The following MAGI1 variants were observed in gnomAD, a reference collection of about 807,000 sequenced individuals.
MAGI1 encodes membrane-associated guanylate kinase, WW and PDZ domain-containing protein 1.
Under a neutral mutation model 139.9 loss-of-function variants are expected in MAGI1, and 58 were observed. The ratio of observed to expected loss-of-function variants is 0.41; its 90% confidence interval spans 0.34 to 0.52. MAGI1 has a LOEUF of 0.52. Ranked by LOEUF, MAGI1 falls within the 20% of genes least tolerant of loss-of-function variation. The pLI is 0.12. For synonymous variants in MAGI1, 812 were observed against 737.9 expected, an observed-to-expected ratio of 1.10 and a Z score of -1.63; for missense variants, 1,874 against 1,901.6, an observed-to-expected ratio of 0.99 and a Z score of 0.27.
At chr3:65,785,745 T>C (rs1342363969) in intron 1 of MAGI1, among the ~76,000 whole-genome samples, 1 of 152,166 alleles carries the variant, frequency 6.6e-6, no homozygotes, top group Non-Finnish European at 1.5e-5. Flanking sequence ...ATTTCTTAAA[T>C]TTCAGAAAAA....
intron 1 of MAGI1, among the ~76,000 whole-genome samples, chr3:65,909,590 G>A (rs2061576371): frequency 6.6e-6 from 1 of 151,922 alleles, no homozygotes; most frequent in Non-Finnish European, 1.5e-5. Context: ...CAACTATTCA[G>A]GAGGCTGATG....
chr3:65,987,482 G>C (rs2065940730), intron 1 of MAGI1, among the ~76,000 whole-genome samples: 1 of 152,214 alleles, frequency 6.6e-6, no homozygotes, highest in Non-Finnish European at 1.5e-5. Flanking sequence ...GTAGGAACTA[G>C]GGTGAGGCAG....
chr3:65,546,620 T>C (rs1000718127), intron 2 of MAGI1, among the ~76,000 whole-genome samples: 1 of 152,232 alleles, frequency 6.6e-6, no homozygotes, highest in African/African-American at 2.4e-5. Context: ...ATTCTAGAAT[T>C]GTTTAACTAA....
chr3:65,717,932 G>A (rs929967348), intron 1 of MAGI1, among the ~76,000 whole-genome samples: 1 of 152,168 alleles, frequency 6.6e-6, no homozygotes, highest in Non-Finnish European at 1.5e-5. Flanking sequence ...GTCACCAAGA[G>A]CAAACAACAT....
chr3:65,449,760 G>A (rs766116702), intron 6 of MAGI1, among the ~76,000 whole-genome samples: 16 of 152,094 alleles, frequency 1.1e-4, no homozygotes, highest in Non-Finnish European at 1.9e-4. Context: ...GGGTAACAGG[G>A]CGAGACTCCA....
At chr3:65,574,622 A>G (rs528486494) in intron 2 of MAGI1, among the ~76,000 whole-genome samples, 1 of 152,132 alleles carries the variant, frequency 6.6e-6, no homozygotes, top group South Asian at 2.1e-4. Context: ...TAAAATTTAC[A>G]TGGAATATTG....
chr3:65,417,107 A>G (rs537838469), intron 12 of MAGI1, among the ~76,000 whole-genome samples: 2 of 152,324 alleles, frequency 1.3e-5, no homozygotes, highest in South Asian at 2.1e-4. Context: ...AAGTAGGATG[A>G]TATCTCTTGC....
intron 2 of MAGI1, among the ~76,000 whole-genome samples, chr3:65,602,105 C>A (rs1417912307): frequency 6.6e-6 from 1 of 152,186 alleles, no homozygotes; most frequent in East Asian, 1.9e-4. Context: ...TTGGAAGTGT[C>A]CTGTATGCTA....
chr3:65,873,581 G>A (rs926603237), intron 1 of MAGI1: 5 of 152,170 alleles, frequency 3.3e-5, no homozygotes, highest in African/African-American at 1.2e-4. Context: ...CCACTCATTT[G>A]GTTATCAGGC....
chr3:65,910,799 C>T (rs1007236911), intron 1 of MAGI1, among the ~76,000 whole-genome samples: 2 of 149,470 alleles, frequency 1.3e-5, no homozygotes, highest in Non-Finnish European at 2.9e-5. Flanking sequence ...CTGCTCATCA[C>T]CTATCCAACA....
chr3:65,397,464 A>G (rs1944481785), intron 13 of MAGI1, among the ~76,000 whole-genome samples: 2 of 152,020 alleles, frequency 1.3e-5, no homozygotes, highest in African/African-American at 2.4e-5. Flanking sequence ...TGCTTCTTCA[A>G]TGCGGATGGG....
intron 1 of MAGI1, among the ~76,000 whole-genome samples, chr3:65,631,280 G>A (rs766961690): frequency 6.6e-6 from 1 of 152,208 alleles, no homozygotes; most frequent in Non-Finnish European, 1.5e-5. Flanking sequence ...GAACAGCTTT[G>A]AGTGGAATAC....
rs909659602 is a variant in MAGI1, at chr3:66,038,690, G to A, written c.-382C>T. On this transcript the variant is annotated 5_prime_UTR_variant, in exon 1 of 23. Transcript: ENST00000402939. ...ATGCGGTGCCTCCTCTTTGCCTCCC[G>A]CCCGGCTCGCCTCTCCTCGCTGGCA... 3 of 177,208 alleles carry A rather than the reference G, an allele frequency of 1.7e-5. No individual in the cohort carries two copies. The highest frequency in any genetic ancestry group is 5.9e-5 in the Admixed American group (1 of 16,976). 11.0% of individuals were successfully genotyped at this position (177,208 alleles called of 1,614,324 possible). A position where few individuals can be genotyped will look rare whatever the true frequency, so the allele number is the denominator to read the frequency against.
chr3:65,835,441 T>C (rs1278839615), intron 1 of MAGI1, among the ~76,000 whole-genome samples: 2 of 152,208 alleles, frequency 1.3e-5, no homozygotes, highest in East Asian at 1.9e-4. Flanking sequence ...GCAAGTTAAC[T>C]TGTATCAAGC....
chr3:66,019,784 T>C (rs904127908), intron 1 of MAGI1, among the ~76,000 whole-genome samples: 1 of 152,188 alleles, frequency 6.6e-6, no homozygotes, highest in Non-Finnish European at 1.5e-5. Flanking sequence ...AAATTTCCCA[T>C]GGCACCTGTC....
At chr3:65,835,197 C>T (rs1004104907) in intron 1 of MAGI1, among the ~76,000 whole-genome samples, 3 of 152,090 alleles carry the variant, frequency 2.0e-5, no homozygotes, top group Admixed American at 1.3e-4. Flanking sequence ...GTTGCCTAAA[C>T]TTTTTTAAAA....
At chr3:65,428,262 G>T (rs1054705571) in intron 12 of MAGI1, among the ~76,000 whole-genome samples, 7 of 152,168 alleles carry the variant, frequency 4.6e-5, no homozygotes, top group Non-Finnish European at 1.0e-4. Context: ...ACAAATCATG[G>T]TAGCAAGGAT....
chr3:65,530,622 GTGGT>G lies in MAGI1; in HGVS notation c.431-36995_431-36992del, dbSNP rs1424496981. 7.1e-4 allele frequency among the ~76,000 whole-genome samples: 42 copies of G among 58,932 alleles called. 3 individuals are homozygous for G. The highest frequency in any genetic ancestry group is 2.3e-3 in the African/African-American group (35 of 15,056). The allele number at this position is 58,932 out of a possible 152,430, so 38.7% of individuals were successfully genotyped here. A position where few individuals can be genotyped will look rare whatever the true frequency, so the allele number is the denominator to read the frequency against. On this transcript the variant is annotated intron_variant, in intron 2 of 22. Transcript: ENST00000402939. Reference sequence around the variant, plus strand: ...CAGCAAGACACATACGTATGTGTGTGTGGTGTGTGTGTGTGTGTGTGTGTGTGTG... The same window carrying G: ...CAGCAAGACACATACGTATGTGTGTGGTGTGTGTGTGTGTGTGTGTGTGTG...
intron 2 of MAGI1, among the ~76,000 whole-genome samples, chr3:65,573,351 A>G (rs1377357789): frequency 1.3e-5 from 2 of 152,118 alleles, no homozygotes; most frequent in East Asian, 3.8e-4. Flanking sequence ...AGCATAATAC[A>G]TCATGAGCAA....
Sources: allele counts gnomAD v4.1 joint callset (sites outside exome capture counted in the v4.1 genomes callset), GRCh38; gene constraint gnomAD v4.1.1; transcripts MANE v1.5; gene names NCBI Gene and HGNC (gene_info 2026-07-23, HGNC 2026-07-21).